MROH1: variants seen among roughly 807,000 people sequenced by gnomAD.
The protein encoded by MROH1 is maestro heat-like repeat-containing protein family member 1.
MROH1 carries 117 observed loss-of-function variants against 116.5 expected under a neutral mutation model. That is an observed-to-expected ratio of 1.00 (90% CI 0.86 to 1.17). The LOEUF (loss-of-function observed/expected upper bound fraction) is 1.17. MROH1 is among the 50% of genes most tolerant of loss of function. MROH1 has a pLI of 0.00. For missense variants in MROH1, 1,873 were observed against 1,338.5 expected, an observed-to-expected ratio of 1.40 and a Z score of -6.23; for synonymous variants, 921 against 583.9, an observed-to-expected ratio of 1.58 and a Z score of -8.32.
In MROH1 at chr8:144,161,792, C is replaced by T. The variant is rs79044086; in HGVS notation, c.-57+703C>T. 3.9e-4 allele frequency among the ~76,000 whole-genome samples: 60 copies of T among 152,296 alleles called. 2 individuals are homozygous for T. In the East Asian group the frequency reaches 6.8e-3, roughly 17 times the overall value. On this transcript the variant is annotated intron_variant, in intron 2 of 43. Transcript: ENST00000326134. ...CACGGTCGTGGACTGGCGTTGGTTC[C>T]GCCCGTTTCTTCCTGGACGACGGAG...
intron 32 of MROH1, 130 bp downstream of exon 32, chr8:144,249,159 C>G (rs1219795457): frequency 3.0e-6 from 2 of 666,316 alleles, no homozygotes; most frequent in Non-Finnish European, 5.5e-6. Context: ...TGAGGCTGGC[C>G]CTGGCCTGTC....
At chr8:144,230,036 A>T (rs184338464) in intron 14 of MROH1, among the ~76,000 whole-genome samples, 1,545 of 150,188 alleles carry the variant, frequency 0.01, 23 homozygotes, top group African/African-American at 0.036. Context: ...TCTGTCTCAA[A>T]AATAATAATA....
Position 144,240,147 on chromosome 8 carries a change from G to C in MROH1, c.1821G>C (p.Leu607=). The change falls in exon 19 of 44, where the codon CTG becomes CTC. Residue 607 remains leucine (L), a synonymous_variant. Transcript: ENST00000326134. ...CACAGGAGGAGTGGGAGGAGAAGCT[G>C]TTGATGGTGAGGGCCGGGGTACGGC... ...TLPQEEWEEK[L]LMFLRDTLAI... 1.3e-6 allele frequency: 1 copy of C among 778,376 alleles called. No individual in the cohort carries two copies. The highest frequency in any genetic ancestry group is 2.4e-5 in the East Asian group (1 of 41,216). 48.2% of individuals were successfully genotyped at this position (778,376 alleles called of 1,614,324 possible). A position where few individuals can be genotyped will look rare whatever the true frequency, so the allele number is the denominator to read the frequency against.
chr8:144,248,875 A>T lies in MROH1; in HGVS notation c.3121-2A>T. 1.3e-6 allele frequency: 1 copy of T among 778,708 alleles called. No individual in the cohort carries two copies. The allele number at this position is 778,708 out of a possible 1,614,324, so 48.2% of individuals were successfully genotyped here. The stretch of plus-strand genomic sequence containing the variant: ...CAACCTCTGGCATCGCCTTCCTCCT[A>T]GATTATTGCCAAGCGCCTCCCCCCA... On this transcript the variant is annotated splice_acceptor_variant, in intron 31 of 43. Coordinates refer to ENST00000326134, the MANE Select transcript of MROH1 (RefSeq NM_032450.3). LOFTEE classifies it high-confidence loss of function.
intron 1 of MROH1, among the ~76,000 whole-genome samples, chr8:144,153,331 G>A (rs1817306375): frequency 1.3e-5 from 2 of 151,790 alleles, no homozygotes; most frequent in African/African-American, 4.8e-5. Context: ...TGAGTAGTTG[G>A]GATTACAGGC....
Position 144,261,725 on chromosome 8 carries a change from G to T in MROH1, c.4911G>T (p.Leu1637=). ...GGGCTGCTGAGGCCCTGGGCCGCCT[G>T]GTGAAGCTCGCCTAAGGCTCCGGCC... The part of the protein sequence containing the change: ...RTRAAEALGR[L]VKLA The change falls in exon 44 of 44, where the codon CTG becomes CTT. Residue 1637 remains leucine, a synonymous_variant. Transcript: ENST00000326134. The T allele has an allele frequency of 1.4e-6, 1 of 717,414 alleles. No individual in the cohort carries two copies. The highest frequency in any genetic ancestry group is 2.5e-6 in the Non-Finnish European group (1 of 393,984). 44.4% of individuals were successfully genotyped at this position (717,414 alleles called of 1,614,324 possible).
chr8:144,225,988 C>T (rs1837742935), intron 14 of MROH1, among the ~76,000 whole-genome samples: 1 of 147,980 alleles, frequency 6.8e-6, no homozygotes, highest in East Asian at 2.0e-4. Context: ...GATCTCAGCT[C>T]ACTGCAACCT....
chr8:144,205,979 T>C (rs1832723350), intron 12 of MROH1, among the ~76,000 whole-genome samples: 1 of 152,176 alleles, frequency 6.6e-6, no homozygotes, highest in Admixed American at 6.5e-5. Flanking sequence ...TGTGGAACAT[T>C]TTTCTAAAAC....
intron 1 of MROH1, among the ~76,000 whole-genome samples, chr8:144,157,394 G>A (rs1818420276): frequency 6.6e-6 from 1 of 152,076 alleles, no homozygotes; most frequent in Non-Finnish European, 1.5e-5. Flanking sequence ...CAAGGTCTTT[G>A]GTTTTGTTAT....
chr8:144,189,784 C>T (rs955920758), intron 7 of MROH1, among the ~76,000 whole-genome samples: 1 of 152,188 alleles, frequency 6.6e-6, no homozygotes, highest in African/African-American at 2.4e-5. Context: ...GAATGTGTGG[C>T]ACAAGTCTGT....
At chr8:144,159,935 A>C (rs905956023) in intron 1 of MROH1, among the ~76,000 whole-genome samples, 1 of 151,854 alleles carries the variant, frequency 6.6e-6, no homozygotes, top group Non-Finnish European at 1.5e-5. Context: ...ACCCCGTCTA[A>C]TTTATTGTAT....
At position 144,245,163 on chromosome 8, in the gene MROH1, G is replaced by A; in HGVS notation, c.2774G>A (p.Ser925Asn). ...QGLQIMIEHLSPWIKSPRGHE... is the reference protein window; with the variant it reads ...QGLQIMIEHLNPWIKSPRGHE... ...GACGCCCCTCTTCCTCAGCACCTGA[G>A]CCCATGGATCAAGTCCCCAAGAGGT... The change falls in exon 29 of 44, where the codon AGC (serine) becomes AAC (asparagine). Residue 925 changes from serine to asparagine, a missense_variant. Ser to Asn is a conservative substitution (Grantham distance 46, BLOSUM62 1). Coordinates refer to ENST00000326134, the MANE Select transcript of MROH1 (RefSeq NM_032450.3). The A allele has an allele frequency of 2.6e-6, 2 of 779,136 alleles. No individual in the cohort carries two copies. The highest frequency in any genetic ancestry group is 1.3e-5 in the South Asian group (1 of 74,554). 48.3% of individuals were successfully genotyped at this position (779,136 alleles called of 1,614,324 possible).
At chr8:144,243,056 C>A (rs1202545982) in intron 24 of MROH1, among the ~76,000 whole-genome samples, 2 of 152,264 alleles carry the variant, frequency 1.3e-5, no homozygotes, top group Non-Finnish European at 2.9e-5. Flanking sequence ...CTCACCCCAG[C>A]CTCACTAACA....
chr8:144,174,890 A>G (rs1281276346), intron 4 of MROH1: 1 of 985,294 alleles, frequency 1.0e-6, no homozygotes, highest in Non-Finnish European at 1.2e-6. Flanking sequence ...GTCACCCTGC[A>G]CTGAGCACTC....
At chr8:144,212,701 T>C (rs558381318) in intron 12 of MROH1, among the ~76,000 whole-genome samples, 1 of 145,370 alleles carries the variant, frequency 6.9e-6, no homozygotes, top group East Asian at 2.2e-4. Context: ...GCGATTCTCA[T>C]GCCCCAGCCT....
rs1845007249 is a variant in MROH1 at position 144,261,291 on chromosome 8, G to A, written c.4782G>A (p.Leu1594=). 3 of 739,180 alleles carry A rather than the reference G, an allele frequency of 4.1e-6. No individual in the cohort carries two copies. Among genetic ancestry groups the A allele is most frequent in the African/African-American group, 1.7e-5 (1 of 58,346 alleles). 45.8% of individuals were successfully genotyped at this position (739,180 alleles called of 1,614,324 possible). A position where few individuals can be genotyped will look rare whatever the true frequency, so the allele number is the denominator to read the frequency against. ...RAAAPLFTGF[L]VLHSEPRQQP... ...GATGCCCCCACTTCACAGGGTTCCT[G>A]GTGCTGCACTCGGAGCCCAGGCAGC... is the stretch of plus-strand genomic sequence containing the variant. Residue 1594 remains leucine, a synonymous_variant, in exon 43 of 44, where the codon CTG becomes CTA. Coordinates refer to ENST00000326134, the MANE Select transcript of MROH1 (RefSeq NM_032450.3).
chr8:144,206,634 G>C (rs1269990978), intron 12 of MROH1, among the ~76,000 whole-genome samples: 1 of 151,342 alleles, frequency 6.6e-6, no homozygotes, highest in African/African-American at 2.4e-5. Flanking sequence ...TGTTGGCCAG[G>C]CTGGTCTCGA....
chr8:144,243,952 C>A lies in MROH1; in HGVS notation c.2555+10C>A. ...CCTGCACTTACTTGGTGTATCCTTT[C>A]CTGCCTCTGCACAGGCCCGTGCAGC... On this transcript the variant is annotated intron_variant, in intron 26 of 43. Coordinates refer to ENST00000326134, the MANE Select transcript of MROH1 (RefSeq NM_032450.3). 1 of 779,828 alleles carries A rather than the reference C, an allele frequency of 1.3e-6. No individual in the cohort carries two copies. The highest frequency in any genetic ancestry group is 2.4e-6 in the Non-Finnish European group (1 of 417,490). The allele number at this position is 779,828 out of a possible 1,614,324, so 48.3% of individuals were successfully genotyped here.
chr8:144,261,685 C>A lies in MROH1; in HGVS notation c.4871C>A (p.Pro1624His). ...CAGATCCTGCTGAAGGACCCGGCCC[C>A]CGAGGTGCGGACGAGGGCTGCTGAG... ...ALQILLKDPA[P>H]EVRTRAAEAL... The change falls in exon 44 of 44, where the codon CCC becomes CAC. Residue 1624 changes from proline to histidine, a missense_variant. Physicochemically the swap from Pro to His is moderately conservative, Grantham distance 77. Coordinates refer to ENST00000326134, the MANE Select transcript of MROH1 (RefSeq NM_032450.3). 1.4e-6 allele frequency: 1 copy of A among 728,144 alleles called. No individual in the cohort carries two copies. The highest frequency in any genetic ancestry group is 2.6e-5 in the East Asian group (1 of 38,370). The allele number at this position is 728,144 out of a possible 1,614,324, so 45.1% of individuals were successfully genotyped here.
Sources: allele counts gnomAD v4.1 joint callset (sites outside exome capture counted in the v4.1 genomes callset), GRCh38; gene constraint gnomAD v4.1.1; transcripts MANE v1.5; gene names NCBI Gene and HGNC (gene_info 2026-07-23, HGNC 2026-07-21).